The following IGSF5 variants were observed in gnomAD, a reference collection of about 807,000 sequenced individuals.
The protein encoded by IGSF5 is immunoglobulin superfamily member 5.
IGSF5 carries 41 observed loss-of-function variants against 39.4 expected under a neutral mutation model. The ratio of observed to expected loss-of-function variants is 1.04; its 90% CI spans 0.81 to 1.35. The LOEUF (loss-of-function observed/expected upper bound fraction) is 1.35, where lower values mean the gene tolerates loss of function less well. Ranked by LOEUF, IGSF5 falls within the 40% of genes most tolerant of loss-of-function variation. IGSF5 has a pLI of 0.00. For synonymous variants in IGSF5, 183 were observed against 175.3 expected, an observed-to-expected ratio of 1.04 and a Z score of -0.34; for missense variants, 487 against 494.6, an observed-to-expected ratio of 0.98 and a Z score of 0.15.
intron 4 of IGSF5, among the ~76,000 whole-genome samples, chr21:39,774,531 G>C (rs2080130099): frequency 6.6e-6 from 1 of 152,194 alleles, no homozygotes; most frequent in African/African-American, 2.4e-5. Flanking sequence ...CATACTGGGA[G>C]GGCTGACATT....
At chr21:39,768,587 T>C (rs1192699455) in intron 3 of IGSF5, among the ~76,000 whole-genome samples, 1 of 152,232 alleles carries the variant, frequency 6.6e-6, no homozygotes, top group Non-Finnish European at 1.5e-5. Context: ...TCTTATGTTT[T>C]GAGGGCTGCA....
intron 5 of IGSF5, among the ~76,000 whole-genome samples, chr21:39,783,126 A>G (rs2080180184): frequency 6.6e-6 from 1 of 152,144 alleles, no homozygotes; most frequent in African/African-American, 2.4e-5. Context: ...CTCATCTATT[A>G]ATAGATATTT....
At chr21:39,799,608 T>C (rs911470331) in intron 8 of IGSF5, among the ~76,000 whole-genome samples, 6 of 152,114 alleles carry the variant, frequency 3.9e-5, no homozygotes, top group Admixed American at 3.9e-4. Context: ...ACTGTGCATT[T>C]AGAATTACTT....
chr21:39,793,721 G>A, intron 8 of IGSF5, 108 bp downstream of exon 8: 1 of 869,724 alleles, frequency 1.1e-6, no homozygotes, highest in Non-Finnish European at 1.9e-6. Flanking sequence ...CATGATGGTG[G>A]CATGTTGCCT....
the IGSF5 span, among the ~76,000 whole-genome samples, chr21:39,738,496 A>G: frequency 1.3e-5 from 2 of 152,204 alleles, no homozygotes; most frequent in Non-Finnish European, 2.9e-5. The surrounding 1 kb of genome is among the most constrained non-coding windows in gnomAD (Gnocchi z 6.4). Flanking sequence ...AAGTGACAAA[A>G]CATAGAGTCA....
chr21:39,727,446 T>C, the IGSF5 span, among the ~76,000 whole-genome samples: 3 of 152,186 alleles, frequency 2.0e-5, no homozygotes, highest in African/African-American at 7.2e-5. Context: ...CGGTGGCTTC[T>C]TCTGGTGCTT....
intron 5 of IGSF5, among the ~76,000 whole-genome samples, chr21:39,783,793 C>T (rs1293295197): frequency 6.6e-6 from 1 of 152,100 alleles, no homozygotes; most frequent in East Asian, 1.9e-4. Flanking sequence ...AAATCTTTGT[C>T]TAGGCCAATG....
intron 2 of IGSF5, among the ~76,000 whole-genome samples, chr21:39,765,323 G>A (rs9784202): frequency 0.019 from 2,950 of 152,258 alleles, 102 homozygotes; most frequent in African/African-American, 0.067. Flanking sequence ...GTAGAGTTAG[G>A]GGGTAGAGTG....
At chr21:39,779,044 T>C (rs991165638) in intron 4 of IGSF5, 46 bp from the exon 5 acceptor site, 2 of 1,595,666 alleles carry the variant, frequency 1.3e-6, no homozygotes, top group Non-Finnish European at 1.7e-6. Flanking sequence ...AATCTGTGAT[T>C]CTAGGCAGTG....
chr21:39,725,877 C>T, the IGSF5 span: 107 of 152,168 alleles, frequency 7.0e-4, no homozygotes, highest in African/African-American at 2.4e-3. Flanking sequence ...ATCTTGGCTG[C>T]GGGTGACTGA....
intron 5 of IGSF5, among the ~76,000 whole-genome samples, chr21:39,779,923 G>A (rs1293379444): frequency 2.6e-5 from 4 of 152,146 alleles, no homozygotes; most frequent in Non-Finnish European, 2.9e-5. Context: ...GGAGATGTTG[G>A]TCGAAGGGTA....
At chr21:39,719,423 G>A in the IGSF5 span, among the ~76,000 whole-genome samples, 1 of 151,992 alleles carries the variant, frequency 6.6e-6, no homozygotes, top group South Asian at 2.1e-4. Flanking sequence ...GAGTGAATGG[G>A]TGTAGGGGGT....
chr21:39,790,871 A>G (rs1271557190), intron 6 of IGSF5, among the ~76,000 whole-genome samples: 1 of 152,266 alleles, frequency 6.6e-6, no homozygotes, highest in African/African-American at 2.4e-5. Flanking sequence ...AAAATAAAGA[A>G]GCAGTACAGT....
intron 2 of IGSF5, among the ~76,000 whole-genome samples, chr21:39,746,501 T>C (rs2079975616): frequency 6.6e-6 from 1 of 152,238 alleles, no homozygotes; most frequent in African/African-American, 2.4e-5. Context: ...CAAAATGGCT[T>C]ATTTTGGGGT....
At chr21:39,748,349 C>T (rs1180415528) in intron 2 of IGSF5, among the ~76,000 whole-genome samples, 1 of 115,566 alleles carries the variant, frequency 8.7e-6, no homozygotes, top group African/African-American at 3.1e-5. Flanking sequence ...CTCTCTCTGT[C>T]ACCCAGGCTG....
chr21:39,737,654 G>A, the IGSF5 span, among the ~76,000 whole-genome samples: 1 of 152,334 alleles, frequency 6.6e-6, no homozygotes, highest in South Asian at 2.1e-4. Flanking sequence ...GGGAAGGGGG[G>A]CGGAGCTTCC....
chr21:39,757,581 T>C (rs1161606282), intron 2 of IGSF5, among the ~76,000 whole-genome samples: 10 of 115,646 alleles, frequency 8.6e-5, no homozygotes, highest in African/African-American at 7.1e-4. Flanking sequence ...TGTGCATTCT[T>C]TTTTTTTTTT....
chr21:39,724,216 C>G, the IGSF5 span, among the ~76,000 whole-genome samples: 1 of 151,770 alleles, frequency 6.6e-6, no homozygotes, highest in Non-Finnish European at 1.5e-5. Flanking sequence ...TCACTTATTC[C>G]TCTTTATATG....
At chr21:39,759,661 T>C (rs2080051359) in intron 2 of IGSF5, among the ~76,000 whole-genome samples, 1 of 151,654 alleles carries the variant, frequency 6.6e-6, no homozygotes, top group Non-Finnish European at 1.5e-5. Flanking sequence ...GGTCAGGAGA[T>C]TGAGACCATC....
Sources: allele counts gnomAD v4.1 joint callset (sites outside exome capture counted in the v4.1 genomes callset), GRCh38; gene constraint gnomAD v4.1.1; non-coding constraint Gnocchi (gnomAD v3.1); transcripts MANE v1.5; gene names NCBI Gene and HGNC (gene_info 2026-07-23, HGNC 2026-07-21).